TTBK2: variants seen among roughly 807,000 people sequenced by gnomAD.
TTBK2 encodes the protein tau-tubulin kinase 2.
A neutral mutation model predicts 110.8 loss-of-function variants in TTBK2; 28 were observed. That is an observed-to-expected ratio of 0.25 (90% CI 0.19 to 0.35). The LOEUF is 0.35. Ranked by LOEUF, TTBK2 falls within the 10% of genes least tolerant of loss-of-function variation. The pLI, the probability that TTBK2 is intolerant of heterozygous loss-of-function variation, is 1.00. For synonymous variants in TTBK2, 532 were observed against 527.3 expected (o/e 1.01, Z -0.12); for missense variants, 1,369 against 1,500.3 (o/e 0.91, Z 1.45).
At chr15:42,904,255 A>C (rs1331169092) in intron 1 of TTBK2, among the ~76,000 whole-genome samples, 1 of 152,218 alleles carries the variant, frequency 6.6e-6, no homozygotes, top group East Asian at 1.9e-4. Context: ...ACTATATACC[A>C]GGCTTCACTG....
At chr15:42,793,027 C>A (rs889370520) in intron 10 of TTBK2, among the ~76,000 whole-genome samples, 4 of 152,196 alleles carry the variant, frequency 2.6e-5, no homozygotes, top group African/African-American at 9.6e-5. Flanking sequence ...AATTTCTGGA[C>A]TGGCTCCAGC....
Position 42,866,215 on chromosome 15 carries a change from G to A in TTBK2, c.217+6396C>T, listed in dbSNP as rs186869903. Among the ~76,000 whole-genome samples, 285 of 152,164 alleles carry A rather than the reference G, an allele frequency of 1.9e-3. 1 individual carries two copies. The highest frequency in any genetic ancestry group is 6.8e-3 in the Middle Eastern group (2 of 294). ...GCTATTCGGGAGGCTGAGGCAGGAG[G>A]ATCACTGAAGTCAGGGGTTCAGGAC... is the stretch of plus-strand genomic sequence containing the variant. On this transcript the variant is annotated intron_variant, in intron 3 of 14. Transcript: ENST00000267890.
At chr15:42,764,616 G>A (rs1420894692) in intron 13 of TTBK2, among the ~76,000 whole-genome samples, 2 of 152,254 alleles carry the variant, frequency 1.3e-5, no homozygotes, top group Non-Finnish European at 1.5e-5. Context: ...AGCTCGAACT[G>A]GGCAGAGCCC....
chr15:42,774,514 G>A (rs1466197054), intron 13 of TTBK2, among the ~76,000 whole-genome samples: 2 of 151,994 alleles, frequency 1.3e-5, no homozygotes, highest in Admixed American at 1.3e-4. Flanking sequence ...CTTTGCAGAA[G>A]ACCTGTATCA....
At chr15:42,784,879 G>A (rs1245240616) in intron 10 of TTBK2, among the ~76,000 whole-genome samples, 1 of 152,180 alleles carries the variant, frequency 6.6e-6, no homozygotes, top group Non-Finnish European at 1.5e-5. Context: ...TAGTCTTGGA[G>A]TCACAGCAGG....
chr15:42,777,287 C>T, intron 11 of TTBK2, 45 bp from the exon 12 acceptor site: 1 of 1,574,474 alleles, frequency 6.4e-7, no homozygotes. Context: ...TTCTAGGCAA[C>T]ACACATGAGA....
chr15:42,808,700 A>T (rs752928938), intron 9 of TTBK2, among the ~76,000 whole-genome samples: 7 of 152,034 alleles, frequency 4.6e-5, no homozygotes, highest in Admixed American at 6.6e-5. Context: ...AAAAATAAAA[A>T]AAAAAAGCCA....
intron 2 of TTBK2, among the ~76,000 whole-genome samples, chr15:42,877,721 C>A (rs544168658): frequency 2.6e-5 from 4 of 151,866 alleles, no homozygotes; most frequent in African/African-American, 9.7e-5. Flanking sequence ...ATACTACATG[C>A]TAACAGACAA....
chr15:42,869,008 C>G (rs1010150716), intron 3 of TTBK2, among the ~76,000 whole-genome samples: 2 of 152,076 alleles, frequency 1.3e-5, no homozygotes, highest in Non-Finnish European at 2.9e-5. Flanking sequence ...GAGGAACCAT[C>G]ATTTTACTGT....
intron 1 of TTBK2, among the ~76,000 whole-genome samples, chr15:42,890,826 C>G (rs1305806381): frequency 6.6e-6 from 1 of 152,178 alleles, no homozygotes; most frequent in Non-Finnish European, 1.5e-5. Context: ...TGAGTTCAAT[C>G]ACATGGCCAA....
At position 42,878,492 on chromosome 15, in the gene TTBK2, T is replaced by C. The variant is rs201804145; in HGVS notation, c.69+57A>G. 2,584 of 1,542,390 alleles carry C rather than the reference T, an allele frequency of 1.7e-3. 8 individuals carry two copies. The African/African-American group carries it at 0.022, about 13-fold the overall frequency. On this transcript the variant is annotated intron_variant, in intron 2 of 14. Coordinates refer to ENST00000267890, the MANE Select transcript of TTBK2 (RefSeq NM_173500.4). The stretch of plus-strand genomic sequence containing the variant: ...ACCAAAAATTACCCCCCGATATGTA[T>C]ACACACACACACACACACACACACA...
chr15:42,764,443 C>G (rs986609246), intron 13 of TTBK2, among the ~76,000 whole-genome samples: 1 of 152,276 alleles, frequency 6.6e-6, no homozygotes, highest in African/African-American at 2.4e-5. Flanking sequence ...AACGGCACAC[C>G]AGGAGATTAC....
intron 9 of TTBK2, among the ~76,000 whole-genome samples, chr15:42,796,771 C>T (rs1345665391): frequency 2.0e-5 from 3 of 152,278 alleles, no homozygotes; most frequent in East Asian, 3.9e-4. Context: ...TCATACATTA[C>T]CTTATTCATA....
At chr15:42,885,158 T>C (rs1375053943) in intron 1 of TTBK2, among the ~76,000 whole-genome samples, 1 of 152,214 alleles carries the variant, frequency 6.6e-6, no homozygotes, top group Non-Finnish European at 1.5e-5. Flanking sequence ...GGCTGTTTGG[T>C]GGTCTCTTCA....
In TTBK2 at chr15:42,752,610, G is replaced by C; in HGVS notation, c.2636C>G (p.Ser879Cys). The change falls in exon 14 of 15, where the codon TCT becomes TGT. Residue 879 changes from serine to cysteine, a missense_variant. Ser to Cys is a moderately radical substitution (Grantham distance 112). This residue lies in a region of TTBK2 where 1,097 missense variants were observed against 1,114.7 expected (regional missense o/e 0.98). Coordinates refer to ENST00000267890, the MANE Select transcript of TTBK2 (RefSeq NM_173500.4). ...QVAEMQKNKI[S>C]KDDDIMSEDL... ...TTCACTCATGATGTCATCATCCTTA[G>C]ATATCTTATTTTTTTGCATTTCTGC... 6.2e-7 allele frequency: 1 copy of C among 1,614,086 alleles called. No individual in the cohort carries two copies. The highest frequency in any genetic ancestry group is 8.5e-7 in the Non-Finnish European group (1 of 1,180,028).
chr15:42,844,653 C>T (rs1372687976), intron 3 of TTBK2, among the ~76,000 whole-genome samples: 3 of 152,166 alleles, frequency 2.0e-5, no homozygotes, highest in African/African-American at 4.8e-5. Flanking sequence ...TTTAATCCTG[C>T]CAATAATGTA....
chr15:42,812,645 C>G (rs570587493), intron 7 of TTBK2, among the ~76,000 whole-genome samples: 24 of 151,948 alleles, frequency 1.6e-4, no homozygotes, highest in African/African-American at 5.1e-4. Context: ...TCAAAAGAAG[C>G]TACAAAGAGT....
At chr15:42,831,740 A>T (rs1892769655) in intron 4 of TTBK2, among the ~76,000 whole-genome samples, 1 of 152,170 alleles carries the variant, frequency 6.6e-6, no homozygotes, top group Non-Finnish European at 1.5e-5. Context: ...CTTGCTGCTT[A>T]GGTAACAAAC....
intron 8 of TTBK2, 127 bp from the exon 9 acceptor site, chr15:42,810,866 A>G: frequency 1.8e-6 from 2 of 1,081,974 alleles, no homozygotes; most frequent in East Asian, 2.5e-5. Flanking sequence ...GCATAAAGCA[A>G]GAACTGAGCT....
Sources: gnomAD v4.1 joint callset for allele counts (sites outside exome capture counted in the v4.1 genomes callset) on GRCh38, gnomAD v4.1.1 for gene constraint, gnomAD v4.1.1 regional missense constraint, MANE v1.5 for transcripts, NCBI Gene and HGNC (gene_info 2026-07-23, HGNC 2026-07-21) for gene names.